The following MYBPC1 variants were observed in gnomAD, a reference collection of about 807,000 sequenced individuals.
MYBPC1 encodes the protein myosin binding protein C1.
A neutral mutation model predicts 147.1 loss-of-function variants in MYBPC1; 52 were observed. That is an observed-to-expected ratio of 0.35 (90% CI 0.28 to 0.45). The LOEUF (loss-of-function observed/expected upper bound fraction) is 0.45. Ranked by LOEUF, MYBPC1 falls within the 20% of genes least tolerant of loss-of-function variation. The pLI is 1.00. For synonymous variants in MYBPC1, 477 were observed against 475.9 expected (o/e 1.00, Z -0.03); for missense variants, 1,228 against 1,440.3 (o/e 0.85, Z 2.39).
At chr12:101,674,133 G>C (rs749993499) in intron 25 of MYBPC1, among the ~76,000 whole-genome samples, 1 of 152,118 alleles carries the variant, frequency 6.6e-6, no homozygotes, top group Non-Finnish European at 1.5e-5. Context: ...GAGATTTAAG[G>C]CATATATGTT....
chr12:101,672,028 T>C lies in MYBPC1; in HGVS notation c.2614-1399T>C, dbSNP rs186933968. On this transcript the variant is annotated intron_variant, in intron 24 of 31. Coordinates refer to ENST00000361466, the MANE Select transcript of MYBPC1 (RefSeq NM_002465.4). Reference sequence around the variant, plus strand: ...TGCCCAATGTCACACAGAAAGTCAATGGTAGGGCCAAGAACAGAGTCCATG... The same window carrying C: ...TGCCCAATGTCACACAGAAAGTCAACGGTAGGGCCAAGAACAGAGTCCATG... Among the ~76,000 whole-genome samples the C allele has an allele frequency of 8.5e-5, 13 of 152,294 alleles. No homozygotes were observed. The East Asian group carries it at 2.1e-3, about 25-fold the overall frequency.
chr12:101,603,363 G>C (rs1395613335), intron 1 of MYBPC1, among the ~76,000 whole-genome samples: 2 of 151,092 alleles, frequency 1.3e-5, no homozygotes, highest in Admixed American at 1.3e-4. Context: ...AAAAAAAGAA[G>C]ATTTCTCTCT....
intron 18 of MYBPC1, among the ~76,000 whole-genome samples, chr12:101,658,992 T>C (rs1005928579): frequency 3.3e-5 from 5 of 151,310 alleles, no homozygotes; most frequent in African/African-American, 1.2e-4. Flanking sequence ...ATCAGAAAAA[T>C]GTAATCCTGC....
Position 101,667,864 on chromosome 12 carries a change from A to C in MYBPC1, c.2489A>C (p.Tyr830Ser). 2 of 1,614,154 alleles carry C rather than the reference A, an allele frequency of 1.2e-6. No homozygotes were observed. The highest frequency in any genetic ancestry group is 1.7e-6 in the Non-Finnish European group (2 of 1,180,006). Residue 830 changes from tyrosine to serine, a missense_variant, in exon 23 of 32, where the codon TAC becomes TCC. Tyr to Ser is a moderately radical substitution (Grantham distance 144). Coordinates refer to ENST00000361466, the MANE Select transcript of MYBPC1 (RefSeq NM_002465.4). ...VNAAGASEPK[Y>S]YSQPILVKEI... ...GCAGCTGGTGCCAGCGAGCCCAAGT[A>C]CTATTCTCAGCCCATTCTCGTGAAG...
chr12:101,601,205 T>C (rs1879771321), intron 1 of MYBPC1, among the ~76,000 whole-genome samples: 1 of 152,220 alleles, frequency 6.6e-6, no homozygotes, highest in Non-Finnish European at 1.5e-5. Flanking sequence ...GCAAATTATC[T>C]CATAACTGGA....
intron 16 of MYBPC1, among the ~76,000 whole-genome samples, chr12:101,652,402 G>GA (rs964059783): frequency 8.6e-5 from 13 of 151,642 alleles, no homozygotes; most frequent in African/African-American, 2.2e-4. Flanking sequence ...GCTATGAGAT[G>GA]AAAAAAAAGA....
chr12:101,640,342 T>C (rs10507134), intron 10 of MYBPC1, among the ~76,000 whole-genome samples: 1 of 152,040 alleles, frequency 6.6e-6, no homozygotes, highest in African/African-American at 2.4e-5. Context: ...GTGACTCTCC[T>C]AGACTTCCTA....
At chr12:101,678,324 G>A in intron 28 of MYBPC1, 86 bp downstream of exon 28, 2 of 1,557,178 alleles carry the variant, frequency 1.3e-6, no homozygotes, top group Non-Finnish European at 1.8e-6. Context: ...AACAAATCCA[G>A]CTGCTACTTG....
At chr12:101,686,801 T>C (rs1437161863), downstream of MYBPC1, among the ~76,000 whole-genome samples, 2 of 152,182 alleles carry the variant, frequency 1.3e-5, no homozygotes, top group Non-Finnish European at 2.9e-5. Flanking sequence ...TCTGGGTTGA[T>C]GTTGGGCTCG....
rs552424394 is a variant in MYBPC1, at chr12:101,646,572, G to A, written c.966-191G>A. ...GAGGATCACTTGAGCCCAGGAGGTC[G>A]AGGCTCCAATTAGCTATGTTTGCAC... On this transcript the variant is annotated intron_variant, in intron 12 of 31. Transcript: ENST00000361466. 22 of 615,344 alleles carry A rather than the reference G, an allele frequency of 3.6e-5. No individual in the cohort carries two copies. In the East Asian group the frequency reaches 5.9e-4, roughly 16 times the overall value. 38.1% of individuals were successfully genotyped at this position (615,344 alleles called of 1,614,324 possible).
At chr12:101,617,132 A>G in intron 2 of MYBPC1, 70 bp from the exon 3 acceptor site, 1 of 1,456,752 alleles carries the variant, frequency 6.9e-7, no homozygotes, top group South Asian at 1.2e-5. Context: ...CCCCCTCTCC[A>G]CCCCGTTGCT....
intron 14 of MYBPC1, 33 bp from the exon 15 acceptor site, chr12:101,649,227 T>C (rs751170260): frequency 1.0e-5 from 16 of 1,596,382 alleles, no homozygotes; most frequent in Non-Finnish European, 1.4e-5. Flanking sequence ...AAGGATCTTT[T>C]ACAAACCTTT....
chr12:101,627,032 G>C, intron 4 of MYBPC1, 122 bp downstream of exon 4: 1 of 877,286 alleles, frequency 1.1e-6, no homozygotes, highest in South Asian at 1.5e-5. Flanking sequence ...AACAGTTTTC[G>C]CCTGTGCTGG....
rs1896235919 is a variant in MYBPC1 at position 101,659,921 on chromosome 12, T to C, written c.1927+90T>C. On this transcript the variant is annotated intron_variant, in intron 19 of 31. Transcript: ENST00000361466. ...TCCTTCTTTGTCCTTTCCTTCCATTTCCTTCCTTTGTCTTTCCCTTATCTT... is the reference window on the plus strand; with the variant it reads ...TCCTTCTTTGTCCTTTCCTTCCATTCCCTTCCTTTGTCTTTCCCTTATCTT... 8.1e-6 allele frequency: 12 copies of C among 1,488,744 alleles called. No individual in the cohort carries two copies. The South Asian group carries it at 1.2e-4, about 15-fold the overall frequency. The allele number at this position is 1,488,744 out of a possible 1,614,324, so 92.2% of individuals were successfully genotyped here. A position where few individuals can be genotyped will look rare whatever the true frequency, so the allele number is the denominator to read the frequency against.
chr12:101,669,928 G>GAAA (rs759220214), intron 23 of MYBPC1: 11,439 of 175,290 alleles, frequency 0.065, 1,006 homozygotes, highest in East Asian at 0.15. Flanking sequence ...GAGACTCTCT[G>GAAA]AAAAAAAAAA....
chr12:101,681,781 G>A lies in MYBPC1; in HGVS notation c.3434-823G>A, dbSNP rs151142531. On this transcript the variant is annotated intron_variant, in intron 29 of 31. Coordinates refer to ENST00000361466, the MANE Select transcript of MYBPC1 (RefSeq NM_002465.4). ...GCAGCACCACACCCAGCTTATTTTT[G>A]TATCTTCAGTAAAGACGGGTTTTTG... Among the ~76,000 whole-genome samples, 498 of 149,918 alleles carry A rather than the reference G, an allele frequency of 3.3e-3. 3 individuals are homozygous for A. The highest frequency in any genetic ancestry group is 0.012 in the African/African-American group (479 of 40,862).
chr12:101,633,923 GCTCCT>G (rs1207581328), intron 8 of MYBPC1, among the ~76,000 whole-genome samples: 6 of 146,004 alleles, frequency 4.1e-5, no homozygotes, highest in Non-Finnish European at 9.0e-5. Flanking sequence ...ACGGAGTCTC[GCTCCT>G]CTCTGTCACC....
intron 28 of MYBPC1, 109 bp downstream of exon 28, chr12:101,678,347 A>T (rs1016982579): frequency 6.1e-6 from 9 of 1,481,924 alleles, no homozygotes; most frequent in African/African-American, 5.6e-5. Context: ...TCTTCCCAGG[A>T]TGGGGGATTA....
At position 101,678,314 on chromosome 12, in the gene MYBPC1, A is replaced by C. The variant is rs1446862566; in HGVS notation, c.3246+76A>C. Reference sequence around the variant, plus strand: ...GTGTTATAATGTAAGTAACAATGTAAACAAATCCAGCTGCTACTTGTGTCT... The same window carrying C: ...GTGTTATAATGTAAGTAACAATGTACACAAATCCAGCTGCTACTTGTGTCT... On this transcript the variant is annotated intron_variant, in intron 28 of 31. Coordinates refer to ENST00000361466, the MANE Select transcript of MYBPC1 (RefSeq NM_002465.4). 3 of 1,581,300 alleles carry C rather than the reference A, an allele frequency of 1.9e-6. No homozygotes were observed. In the African/African-American group the frequency reaches 4.0e-5, roughly 21 times the overall value.
Sources: allele counts gnomAD v4.1 joint callset (sites outside exome capture counted in the v4.1 genomes callset), GRCh38; gene constraint gnomAD v4.1.1; transcripts MANE v1.5; gene names NCBI Gene and HGNC (gene_info 2026-07-23, HGNC 2026-07-21).